The following RAB30 variants were observed in gnomAD, a reference collection of about 807,000 sequenced individuals.
RAB30 encodes ras-related protein Rab-30.
In RAB30, 9 loss-of-function variants were observed where a neutral mutation model predicts 25.1. That is an observed-to-expected ratio of 0.36 (90% CI 0.22 to 0.63). The LOEUF (loss-of-function observed/expected upper bound fraction) is 0.63. RAB30 is among the 20% of genes least tolerant of loss of function. The pLI, the probability that RAB30 is intolerant of heterozygous loss-of-function variation, is 0.69. For synonymous variants in RAB30, 77 were observed against 86.4 expected (o/e 0.89, Z 0.60); for missense variants, 140 against 243.5 (o/e 0.58, Z 2.83).
intron 1 of RAB30, among the ~76,000 whole-genome samples, chr11:83,050,888 G>A (rs775416875): frequency 9.9e-5 from 15 of 152,182 alleles, no homozygotes; most frequent in East Asian, 1.9e-4. Context: ...GCAGTGAACC[G>A]AGATCGCATC....
At chr11:82,997,075 G>C in intron 2 of RAB30, 149 bp downstream of exon 2, 1 of 672,482 alleles carries the variant, frequency 1.5e-6, no homozygotes, top group South Asian at 1.9e-5. Context: ...CTACAAAGCA[G>C]ATGCAGCTTT....
intron 1 of RAB30, among the ~76,000 whole-genome samples, chr11:83,048,707 T>C (rs1018057437): frequency 3.3e-5 from 5 of 152,208 alleles, no homozygotes; most frequent in Non-Finnish European, 1.5e-5. Context: ...ATGAGTTTAA[T>C]GTTAGCCTGC....
chr11:83,041,359 T>C, intron 1 of RAB30: 1 of 171,176 alleles, frequency 5.8e-6, no homozygotes, highest in Non-Finnish European at 1.3e-5. Flanking sequence ...TTGGCCAGTA[T>C]GAACCCTGAT....
At chr11:82,985,117 C>T (rs1856716123) in intron 4 of RAB30, among the ~76,000 whole-genome samples, 1 of 152,068 alleles carries the variant, frequency 6.6e-6, no homozygotes, top group African/African-American at 2.4e-5. Flanking sequence ...GGATTACAGG[C>T]ATGCTTGGCT....
chr11:83,059,593 A>T (rs914700114), intron 1 of RAB30, among the ~76,000 whole-genome samples: 1 of 152,232 alleles, frequency 6.6e-6, no homozygotes, highest in Non-Finnish European at 1.5e-5. Flanking sequence ...GCAGGAACCA[A>T]GTAGCAGGAC....
intron 1 of RAB30, among the ~76,000 whole-genome samples, chr11:83,001,899 T>G (rs1590844990): frequency 6.6e-6 from 1 of 152,210 alleles, no homozygotes; most frequent in Admixed American, 6.5e-5. Flanking sequence ...CAGCTGGCAC[T>G]TATTCAGTGC....
At chr11:83,046,227 A>G (rs181133409) in intron 1 of RAB30, among the ~76,000 whole-genome samples, 1 of 152,356 alleles carries the variant, frequency 6.6e-6, no homozygotes, top group East Asian at 1.9e-4. Flanking sequence ...ATAGGCACCC[A>G]GTGTCTTAAA....
At chr11:83,018,297 C>CAAAAAAAA (rs904843218) in intron 1 of RAB30, among the ~76,000 whole-genome samples, 2 of 68,562 alleles carry the variant, frequency 2.9e-5, no homozygotes, top group African/African-American at 4.4e-5. Flanking sequence ...GACTCCATCT[C>CAAAAAAAA]AAAAAAAAAA....
At chr11:83,019,921 A>C (rs979514033) in intron 1 of RAB30, among the ~76,000 whole-genome samples, 1 of 152,238 alleles carries the variant, frequency 6.6e-6, no homozygotes, top group African/African-American at 2.4e-5. Flanking sequence ...GAAAATGTGA[A>C]TAATACTGCC....
chr11:82,990,393 C>A (rs1016972254), intron 3 of RAB30, among the ~76,000 whole-genome samples: 1 of 152,202 alleles, frequency 6.6e-6, no homozygotes, highest in African/African-American at 2.4e-5. Flanking sequence ...AAGGGAGGAA[C>A]TGGTCAATTC....
chr11:82,996,093 C>T (rs1047160954), intron 2 of RAB30, among the ~76,000 whole-genome samples: 2 of 152,196 alleles, frequency 1.3e-5, no homozygotes, highest in Non-Finnish European at 1.5e-5. Flanking sequence ...TGCCTATTAG[C>T]TTGTTACTTT....
chr11:82,996,363 G>A (rs547866647), intron 2 of RAB30, among the ~76,000 whole-genome samples: 4 of 152,264 alleles, frequency 2.6e-5, no homozygotes, highest in Non-Finnish European at 4.4e-5. Context: ...GCAGAACCAG[G>A]ACTAAGACCC....
At chr11:83,065,863 T>C (rs931226860) in intron 1 of RAB30, among the ~76,000 whole-genome samples, 2 of 152,104 alleles carry the variant, frequency 1.3e-5, no homozygotes, top group African/African-American at 4.8e-5. Flanking sequence ...GATTAAGTAA[T>C]TTGCTCAAGG....
chr11:83,029,984 G>A (rs547092670), intron 1 of RAB30, among the ~76,000 whole-genome samples: 1 of 152,148 alleles, frequency 6.6e-6, no homozygotes, highest in East Asian at 1.9e-4. Context: ...TGGGAACTAA[G>A]CTGTGAGGAC....
At chr11:82,998,177 A>G (rs1856998970) in intron 1 of RAB30, among the ~76,000 whole-genome samples, 1 of 152,192 alleles carries the variant, frequency 6.6e-6, no homozygotes, top group Non-Finnish European at 1.5e-5. Flanking sequence ...TATGCCTGTC[A>G]GCTCTATTTC....
chr11:83,071,593 C>G (rs1362559625), intron 1 of RAB30, 98 bp downstream of exon 1: 1 of 152,216 alleles, frequency 6.6e-6, no homozygotes, highest in African/African-American at 2.4e-5. Flanking sequence ...CAATCCCCCC[C>G]ACCTCCCCAC....
intron 1 of RAB30, among the ~76,000 whole-genome samples, chr11:83,018,297 CAAAAAAA>C (rs904843218): frequency 6.0e-4 from 41 of 68,562 alleles, no homozygotes; most frequent in Non-Finnish European, 1.1e-3. Flanking sequence ...GACTCCATCT[CAAAAAAA>C]AAAAAAAAAA....
At chr11:82,992,581 T>G (rs1311720089) in intron 3 of RAB30, among the ~76,000 whole-genome samples, 1 of 152,086 alleles carries the variant, frequency 6.6e-6, no homozygotes, top group East Asian at 1.9e-4. Context: ...TGCAAATAAA[T>G]GGACCCAAAC....
chr11:83,019,354 A>G (rs1169624371), intron 1 of RAB30, among the ~76,000 whole-genome samples: 2 of 152,156 alleles, frequency 1.3e-5, no homozygotes, highest in Non-Finnish European at 2.9e-5. Flanking sequence ...AATAACAACT[A>G]TGTATTTATG....
Sources: gnomAD v4.1 joint callset for allele counts (sites outside exome capture counted in the v4.1 genomes callset) on GRCh38, gnomAD v4.1.1 for gene constraint, MANE v1.5 for transcripts, NCBI Gene and HGNC (gene_info 2026-07-23, HGNC 2026-07-21) for gene names.